Variants in SELENOW observed in about 807,000 individuals in gnomAD.
SELENOW encodes the protein selenoprotein W, 1.
SELENOW carries 20 observed loss-of-function variants against 16.6 expected under a neutral mutation model. That is an observed-to-expected ratio of 1.21 (90% CI 0.85 to 1.76). The LOEUF (loss-of-function observed/expected upper bound fraction) is 1.76. Ranked by LOEUF, SELENOW falls within the 40% of genes most tolerant of loss-of-function variation. The probability of loss-of-function intolerance (pLI) is 0.00; values close to 1 mark genes in which losing one functional copy is unlikely to be tolerated. For missense variants in SELENOW, 124 were observed against 111.0 expected, an observed-to-expected ratio of 1.12 and a Z score of -0.53; for synonymous variants, 44 against 46.2, an observed-to-expected ratio of 0.95 and a Z score of 0.19.
Position 47,778,718 on chromosome 19 carries a change from G to A in SELENOW, c.-68G>A, listed in dbSNP as rs755667697. 4 of 1,552,238 alleles carry A rather than the reference G, an allele frequency of 2.6e-6. No homozygotes were observed. Among genetic ancestry groups the A allele is most frequent in the African/African-American group, 1.4e-5 (1 of 73,068 alleles). ...TTCCCGCCGCACTCGCGCAGACCTA[G>A]CGCGTCCAGGTGGGAGGTTAGTGTG... On this transcript the variant is annotated 5_prime_UTR_variant, in exon 1 of 6. Coordinates refer to ENST00000601048, the MANE Select transcript of SELENOW (RefSeq NM_003009.4).
rs1463658321 is a variant in SELENOW at position 47,784,589 on chromosome 19, G to C, written c.*318G>C. On this transcript the variant is annotated 3_prime_UTR_variant, in exon 6 of 6. Coordinates refer to ENST00000601048, the MANE Select transcript of SELENOW (RefSeq NM_003009.4). ...ATCCCGCCTCAGGCATCCTTCTCAA[G>C]GGGAAGCCAAGAGAGGCATCAGGAT... 3.3e-5 allele frequency: 5 copies of C among 152,228 alleles called. No homozygotes were observed. The highest frequency in any genetic ancestry group is 1.2e-4 in the African/African-American group (5 of 41,438). 9.4% of individuals were successfully genotyped at this position (152,228 alleles called of 1,614,324 possible).
chr19:47,782,897 C>G (rs751323825), intron 5 of SELENOW: 5 of 152,260 alleles, frequency 3.3e-5, no homozygotes, highest in Admixed American at 2.0e-4. Context: ...ATATGAACCT[C>G]AGGAACAAAG....
At chr19:47,779,837 A>G (rs111869436) in intron 1 of SELENOW, 4,324 of 175,558 alleles carry the variant, frequency 0.025, 71 homozygotes, top group Non-Finnish European at 0.038. Context: ...AAAGAGAGGA[A>G]TTTTAGTTCT....
At chr19:47,780,944 T>G (rs1387968267) in intron 3 of SELENOW, 27 bp downstream of exon 3, 13 of 1,612,136 alleles carry the variant, frequency 8.1e-6, no homozygotes, top group African/African-American at 4.0e-5. Context: ...GGAGAAAGAC[T>G]TGAGCACAGC....
At chr19:47,780,035 T>A in intron 1 of SELENOW, 1 of 418,008 alleles carries the variant, frequency 2.4e-6, no homozygotes, top group South Asian at 1.7e-5. Flanking sequence ...GTACACCAGA[T>A]TCCAGTCCCG....
intron 5 of SELENOW, chr19:47,783,492 T>G (rs1027285274): frequency 6.6e-6 from 1 of 152,344 alleles, no homozygotes; most frequent in African/African-American, 2.4e-5. Flanking sequence ...CGTGAGCCAC[T>G]GCGCCTGGCC....
At chr19:47,781,985 T>C (rs1394390610) in intron 5 of SELENOW, among the ~76,000 whole-genome samples, 1 of 151,960 alleles carries the variant, frequency 6.6e-6, no homozygotes, top group Non-Finnish European at 1.5e-5. Context: ...GCTGAGTTGG[T>C]GGTGGGGTCA....
chr19:47,780,252 G>C (rs1268151030), intron 1 of SELENOW: 1 of 372,168 alleles, frequency 2.7e-6, no homozygotes, highest in African/African-American at 2.1e-5. Flanking sequence ...TTAGCTGGGC[G>C]TGGTGTAAGA....
At position 47,781,117 on chromosome 19, in the gene SELENOW, G is replaced by A. The variant is rs541685955; in HGVS notation, c.118G>A (p.Gly40Arg). 3.7e-6 allele frequency: 6 copies of A among 1,613,714 alleles called. No homozygotes were observed. Among genetic ancestry groups the A allele is most frequent in the Non-Finnish European group, 5.1e-6 (6 of 1,179,714 alleles). The change falls in exon 4 of 6, where the codon GGA (glycine) becomes AGA (arginine). Residue 40 changes from glycine to arginine, a missense_variant. Gly to Arg is a moderately radical substitution (Grantham distance 125, BLOSUM62 -2). Coordinates refer to ENST00000601048, the MANE Select transcript of SELENOW (RefSeq NM_003009.4). ...FPGRLDICGE[G>R]TPQATGFFEV... Reference sequence around the variant, plus strand: ...TACCCCCTTTCCTCAGTGCGGCGAGGGAACTCCCCAGGCCACCGGGTTCTT... The same window carrying A: ...TACCCCCTTTCCTCAGTGCGGCGAGAGAACTCCCCAGGCCACCGGGTTCTT...
chr19:47,781,984 G>T (rs575058086), intron 5 of SELENOW, among the ~76,000 whole-genome samples: 1 of 152,278 alleles, frequency 6.6e-6, no homozygotes, highest in African/African-American at 2.4e-5. Context: ...AGCTGAGTTG[G>T]TGGTGGGGTC....
Position 47,778,821 on chromosome 19 carries a change from C to G in SELENOW, c.29+7C>G, listed in dbSNP as rs3074137. On this transcript the variant is annotated splice_region_variant and intron_variant, in intron 1 of 5. Transcript: ENST00000601048. ...CCGTCCGAGTCGTTTATTGGTAAGCCCAGCGGCCAGCGGCCCCCGTCCCCG... is the reference window on the plus strand; with the variant it reads ...CCGTCCGAGTCGTTTATTGGTAAGCGCAGCGGCCAGCGGCCCCCGTCCCCG... The G allele has an allele frequency of 2.4e-3, 1,965 of 834,884 alleles. 19 individuals carry two copies. The African/African-American group carries it at 0.032, about 14-fold the overall frequency. The allele number at this position is 834,884 out of a possible 1,614,324, so 51.7% of individuals were successfully genotyped here. A position where few individuals can be genotyped will look rare whatever the true frequency, so the allele number is the denominator to read the frequency against.
chr19:47,780,770 G>A, intron 2 of SELENOW, 21 bp downstream of exon 2: 1 of 1,581,534 alleles, frequency 6.3e-7, no homozygotes, highest in African/African-American at 1.3e-5. Flanking sequence ...TGGATGCCCG[G>A]GGGGCATTCC....
intron 5 of SELENOW, chr19:47,783,815 C>T (rs1967502583): frequency 6.6e-6 from 1 of 152,176 alleles, no homozygotes; most frequent in Non-Finnish European, 1.5e-5. Flanking sequence ...AATGGAATTG[C>T]CTAATTCCAA....
chr19:47,781,482 TGGGGGGGAC>T, intron 5 of SELENOW, 94 bp downstream of exon 5: 1 of 724,520 alleles, frequency 1.4e-6, no homozygotes, highest in Non-Finnish European at 2.4e-6. Context: ...GCCTGGGAGA[TGGGGGGGAC>T]ATCACGTGTG....
intron 1 of SELENOW, 182 bp downstream of exon 1, chr19:47,778,996 C>T: frequency 1.7e-6 from 1 of 580,756 alleles, no homozygotes; most frequent in Non-Finnish European, 3.0e-6. Context: ...CGTCCCTAGG[C>T]CCCGTCTTCG....
chr19:47,780,136 G>A (rs1207839868), intron 1 of SELENOW: 4 of 455,598 alleles, frequency 8.8e-6, no homozygotes, highest in Admixed American at 2.4e-5. Context: ...GGCCGGGTGC[G>A]GTGGCTCCTG....
At chr19:47,780,415 C>G in intron 1 of SELENOW, 1 of 483,706 alleles carries the variant, frequency 2.1e-6, no homozygotes, top group South Asian at 2.2e-5. Flanking sequence ...TATTTGTGGT[C>G]TCCTTGTCTC....
intron 5 of SELENOW, 195 bp from the exon 6 acceptor site, chr19:47,784,095 T>C (rs1402212004): frequency 1.3e-5 from 2 of 152,150 alleles, no homozygotes; most frequent in Non-Finnish European, 2.9e-5. Flanking sequence ...TGGGTTTTTT[T>C]CACCATGTTG....
chr19:47,781,113 C>T lies in SELENOW; in HGVS notation c.114C>T (p.Gly38=), dbSNP rs757974812. 3.1e-6 allele frequency: 5 copies of T among 1,613,164 alleles called. No individual in the cohort carries two copies. Among genetic ancestry groups the T allele is most frequent in the African/African-American group, 2.7e-5 (2 of 74,844 alleles). The part of the protein sequence containing the change: ...DEFPGRLDIC[G]EGTPQATGFF... ...CCCCTACCCCCTTTCCTCAGTGCGG[C>T]GAGGGAACTCCCCAGGCCACCGGGT... Residue 38 remains glycine, a synonymous_variant, in exon 4 of 6, where the codon GGC becomes GGT. Transcript: ENST00000601048.
Sources: gnomAD v4.1 joint callset for allele counts (sites outside exome capture counted in the v4.1 genomes callset) on GRCh38, gnomAD v4.1.1 for gene constraint, MANE v1.5 for transcripts, NCBI Gene and HGNC (gene_info 2026-07-23, HGNC 2026-07-21) for gene names.